RORC: variants seen among roughly 807,000 people sequenced by gnomAD.
The protein encoded by RORC is RAR related orphan receptor C.
RORC carries 13 observed loss-of-function variants against 64.5 expected under a neutral mutation model. The observed-to-expected ratio is 0.20, with a 90% CI of 0.13 to 0.32. The LOEUF is 0.32. Among genes scored for constraint, RORC ranks in the 10% least tolerant of loss-of-function variants. The pLI is 1.00. For missense variants in RORC, 468 were observed against 669.5 expected (o/e 0.70, Z 3.32); for synonymous variants, 277 against 259.3 (o/e 1.07, Z -0.65).
At chr1:151,811,634 G>A in intron 9 of RORC, 200 bp from the exon 10 acceptor site, 1 of 438,566 alleles carries the variant, frequency 2.3e-6, no homozygotes. Context: ...ACTGGGAAGA[G>A]ATGAAAGGTA....
chr1:151,813,145 G>T, intron 8 of RORC, 88 bp from the exon 9 acceptor site: 1 of 1,450,430 alleles, frequency 6.9e-7, no homozygotes, highest in Non-Finnish European at 9.7e-7. Context: ...GAGCAGAGGG[G>T]GCAATTCGCC....
chr1:151,829,320 C>G, intron 2 of RORC, 109 bp downstream of exon 2: 1 of 1,059,464 alleles, frequency 9.4e-7, no homozygotes, highest in Non-Finnish European at 1.4e-6. Context: ...CCATCTCTTC[C>G]TGACTCCTCC....
At chr1:151,815,537 A>C (rs1651724960) in intron 4 of RORC, 112 bp from the exon 5 acceptor site, 3 of 1,339,416 alleles carry the variant, frequency 2.2e-6, no homozygotes, top group African/African-American at 1.5e-5. Context: ...TGAATGGCTG[A>C]CTCCAAGCAC....
At chr1:151,831,549 C>T in intron 1 of RORC, 176 bp downstream of exon 1, 1 of 645,728 alleles carries the variant, frequency 1.5e-6, no homozygotes, top group Non-Finnish European at 1.9e-6. Context: ...GTCATCTCCC[C>T]AGCCCCTCCT....
At chr1:151,821,455 G>C (rs1356192102) in intron 2 of RORC, among the ~76,000 whole-genome samples, 1 of 152,212 alleles carries the variant, frequency 6.6e-6, no homozygotes, top group Non-Finnish European at 1.5e-5. Context: ...AAGGAGAAAG[G>C]ATAATGATAG....
At position 151,815,329 on chromosome 1, in the gene RORC, G is replaced by C. The variant is rs762477159; in HGVS notation, c.395C>G (p.Pro132Arg). ...LQQRQQQQQE[P>R]VVKTPPAGAQ... The stretch of plus-strand genomic sequence containing the variant: ...CCCTGCTGGAGGGGTCTTGACCACT[G>C]GTTCCTGTTGCTGCTGTTGCCGCTG... The change falls in exon 5 of 11, where the codon CCA becomes CGA. Residue 132 changes from proline to arginine, a missense_variant. Pro to Arg is a moderately radical substitution (Grantham distance 103). Around this residue, in one of 5 missense-constraint regions of RORC, gnomAD observed 241 missense variants for 295.5 expected, o/e 0.82. Coordinates refer to ENST00000318247, the MANE Select transcript of RORC (RefSeq NM_005060.4). 1.7e-5 allele frequency: 28 copies of C among 1,601,194 alleles called. No individual in the cohort carries two copies. Among genetic ancestry groups the C allele is most frequent in the Non-Finnish European group, 2.4e-5 (28 of 1,172,432 alleles).
intron 5 of RORC, 47 bp from the exon 6 acceptor site, chr1:151,814,742 C>T (rs746242735): frequency 5.7e-5 from 91 of 1,584,034 alleles, no homozygotes; most frequent in East Asian, 1.1e-4. Context: ...CCAGCTCCTA[C>T]GCCTACCCAT....
At chr1:151,809,311 T>C (rs2101651185) in intron 10 of RORC, among the ~76,000 whole-genome samples, 1 of 152,194 alleles carries the variant, frequency 6.6e-6, no homozygotes, top group African/African-American at 2.4e-5. Context: ...GGACAATCGC[T>C]TGAACCTGGG....
chr1:151,814,749 C>G, intron 5 of RORC, 54 bp from the exon 6 acceptor site: 1 of 1,578,994 alleles, frequency 6.3e-7, no homozygotes. Context: ...CTACGCCTAC[C>G]CATGCAAGGG....
chr1:151,809,488 C>T lies in RORC; in HGVS notation c.1395+1837G>A, dbSNP rs146694402. Among the ~76,000 whole-genome samples, 21 of 151,252 alleles carry T rather than the reference C, an allele frequency of 1.4e-4. No individual in the cohort carries two copies. In the East Asian group the frequency reaches 1.7e-3, roughly 13 times the overall value. ...GAGATTGCATTTTTAAAAGGGCTAC[C>T]GTGGGTGCGGAGTAGGTGTGGTTGC... On this transcript the variant is annotated intron_variant, in intron 10 of 10. Transcript: ENST00000318247.
In RORC at chr1:151,811,346, A is replaced by G. The variant is rs752599135; in HGVS notation, c.1374T>C (p.His458=). The G allele has an allele frequency of 6.2e-7, 1 of 1,613,442 alleles. No homozygotes were observed. Among genetic ancestry groups the G allele is most frequent in the South Asian group, 1.1e-5 (1 of 91,038 alleles). The change falls in exon 10 of 11, where the codon CAT becomes CAC. Residue 458 remains histidine, a synonymous_variant. Coordinates refer to ENST00000318247, the MANE Select transcript of RORC (RefSeq NM_005060.4). ...CTACCTTTGCCAGGATGCTTTGGCG[A>G]TGAGTCTTGCAGAGATGATGATGAA... The part of the protein sequence containing the change: ...LAFHHHLCKT[H]RQSILAKLPP...
At chr1:151,814,259 T>A (rs994875238) in intron 6 of RORC, 2 of 269,826 alleles carry the variant, frequency 7.4e-6, no homozygotes, top group Admixed American at 4.8e-5. Flanking sequence ...GTAATCAGGG[T>A]TCTGATTATT....
intron 2 of RORC, among the ~76,000 whole-genome samples, chr1:151,823,355 C>T (rs1652066568): frequency 6.6e-6 from 1 of 152,240 alleles, no homozygotes; most frequent in African/African-American, 2.4e-5. Flanking sequence ...GCCACGCTGG[C>T]CATGCCCTTA....
At chr1:151,824,972 G>C (rs1384354813) in intron 2 of RORC, among the ~76,000 whole-genome samples, 1 of 152,182 alleles carries the variant, frequency 6.6e-6, no homozygotes, top group East Asian at 1.9e-4. Context: ...GGCTGCTTCA[G>C]GCCTCAGCCA....
rs1366260924 is a variant in RORC, at chr1:151,815,232, A to C, written c.492T>G (p.Pro164=). The change falls in exon 5 of 11, where the codon CCT becomes CCG. Residue 164 remains proline, a synonymous_variant. Transcript: ENST00000318247. ...PDGQLPLGSS[P]DLPEASACPP... is the part of the protein sequence containing the mutation. ...GACAGGCAGAAGCCTCAGGCAGGTC[A>C]GGCGAGGAGCCCAGGGGCAGCTGCC... 6.2e-7 allele frequency: 1 copy of C among 1,612,716 alleles called. No individual in the cohort carries two copies. Among genetic ancestry groups the C allele is most frequent in the Admixed American group, 1.7e-5 (1 of 59,926 alleles).
rs774874309 is a variant in RORC, at chr1:151,814,557, A to C, written c.933+17T>G. The C allele has an allele frequency of 1.2e-5, 20 of 1,604,332 alleles. No individual in the cohort carries two copies. Among genetic ancestry groups the C allele is most frequent in the Non-Finnish European group, 1.5e-5 (18 of 1,173,114 alleles). On this transcript the variant is annotated intron_variant, in intron 6 of 10. Transcript: ENST00000318247. ...GGGGTGGGATACGTTCCCTTCCTGC[A>C]GGTCTCCTGGCCTCACCTTCCTCTG...
chr1:151,816,725 G>A lies in RORC; in HGVS notation c.237C>T (p.Ser79=). 6.2e-7 allele frequency: 1 copy of A among 1,603,016 alleles called. No homozygotes were observed. The highest frequency in any genetic ancestry group is 8.5e-7 in the Non-Finnish European group (1 of 1,174,704). The part of the protein sequence containing the change: ...RQQNCPIDRT[S]RNRCQHCRLQ... ...GGCGGCAGTGCTGGCATCGGTTTCG[G>A]CTGGTGCGGTCGATGGGGCAGTTCT... The change falls in exon 4 of 11, where the codon AGC becomes AGT. Residue 79 remains serine, a synonymous_variant. Transcript: ENST00000318247.
At chr1:151,827,642 A>G (rs1196337712) in intron 2 of RORC, among the ~76,000 whole-genome samples, 1 of 152,136 alleles carries the variant, frequency 6.6e-6, no homozygotes, top group Non-Finnish European at 1.5e-5. Flanking sequence ...CAAACTCCTG[A>G]GAGGTGTCTG....
chr1:151,815,213 C>A lies in RORC; in HGVS notation c.511G>T (p.Ala171Ser), dbSNP rs1651711330. ...GSSPDLPEAS[A>S]CPPGLLKASG... The stretch of plus-strand genomic sequence containing the variant: ...GCTTTCAGGAGGCCAGGGGGACAGG[C>A]AGAAGCCTCAGGCAGGTCAGGCGAG... The change falls in exon 5 of 11, where the codon GCC becomes TCC. Residue 171 changes from alanine (A) to serine (S), a missense_variant. Around this residue, in one of 5 missense-constraint regions of RORC, gnomAD observed 241 missense variants for 295.5 expected, o/e 0.82. Coordinates refer to ENST00000318247, the MANE Select transcript of RORC (RefSeq NM_005060.4). 2 of 1,613,562 alleles carry A rather than the reference C, an allele frequency of 1.2e-6. No individual in the cohort carries two copies. The highest frequency in any genetic ancestry group is 1.7e-6 in the Non-Finnish European group (2 of 1,179,768).
Sources: allele counts gnomAD v4.1 joint callset (sites outside exome capture counted in the v4.1 genomes callset), GRCh38; gene constraint gnomAD v4.1.1; regional missense constraint gnomAD v4.1.1; transcripts MANE v1.5; gene names NCBI Gene and HGNC (gene_info 2026-07-23, HGNC 2026-07-21).